The following TRIM44 variants were observed in gnomAD, a reference collection of about 807,000 sequenced individuals.
TRIM44 encodes tripartite motif containing 44.
TRIM44 carries 13 observed loss-of-function variants against 37.4 expected under a neutral mutation model. That is an observed-to-expected ratio of 0.35 (90% confidence interval 0.23 to 0.55). The LOEUF is 0.55. Among genes scored for constraint, TRIM44 ranks in the 20% least tolerant of loss-of-function variants. The probability of loss-of-function intolerance (pLI) is 0.89; values close to 1 mark genes in which losing one functional copy is unlikely to be tolerated. For synonymous variants in TRIM44, 175 were observed against 157.2 expected (o/e 1.11, Z -0.85); for missense variants, 426 against 437.2 (o/e 0.97, Z 0.23).
At chr11:35,780,009 C>T (rs1853040113) in intron 4 of TRIM44, among the ~76,000 whole-genome samples, 1 of 151,820 alleles carries the variant, frequency 6.6e-6, no homozygotes, top group Non-Finnish European at 1.5e-5. Flanking sequence ...GTTACTATAG[C>T]CTTATAGTAT....
At chr11:35,700,603 G>A (rs1227295108) in intron 2 of TRIM44, among the ~76,000 whole-genome samples, 4 of 152,164 alleles carry the variant, frequency 2.6e-5, no homozygotes, top group Admixed American at 6.5e-5. Context: ...TCTATGTCAT[G>A]TGTGGATTTT....
At chr11:35,680,699 T>C (rs1305059623) in intron 1 of TRIM44, among the ~76,000 whole-genome samples, 1 of 152,212 alleles carries the variant, frequency 6.6e-6, no homozygotes, top group Non-Finnish European at 1.5e-5. Flanking sequence ...AGTGGATTGG[T>C]AGGCATGTGA....
At position 35,782,197 on chromosome 11, in the gene TRIM44, G is replaced by A. The variant is rs571866322; in HGVS notation, c.1008-24161G>A. On this transcript the variant is annotated intron_variant, in intron 4 of 4. Transcript: ENST00000299413. ...ACTTTGTGAAGTCCAGCGGGTGGGG[G>A]GAATCCTAATCCAGCTGGGGTAGGA... Among the ~76,000 whole-genome samples the A allele has an allele frequency of 1.4e-4, 22 of 152,222 alleles. No homozygotes were observed. The South Asian group carries it at 4.6e-3, about 32-fold the overall frequency.
At chr11:35,792,118 C>CTCTCTG (rs1390403415) in intron 4 of TRIM44, among the ~76,000 whole-genome samples, 1 of 150,292 alleles carries the variant, frequency 6.7e-6, no homozygotes. Context: ...CACACTCTCT[C>CTCTCTG]TCATCATTCT....
rs1851293917 is a variant in TRIM44, at chr11:35,663,298, G to A, written c.187G>A (p.Gly63Ser). 1 of 1,614,074 alleles carries A rather than the reference G, an allele frequency of 6.2e-7. No homozygotes were observed. Among genetic ancestry groups the A allele is most frequent in the Non-Finnish European group, 8.5e-7 (1 of 1,179,994 alleles). Residue 63 changes from glycine (G) to serine (S), a missense_variant, in exon 1 of 5, where the codon GGC becomes AGC. Gly to Ser is a moderately conservative substitution (Grantham distance 56). Transcript: ENST00000299413. ...LSHHLAEYVHGSQAWTPPADG... is the reference protein window; with the variant it reads ...LSHHLAEYVHSSQAWTPPADG... ...TCACCATCTGGCCGAATACGTCCAC[G>A]GCTCCCAGGCCTGGACCCCGCCAGC...
rs1446962545 is a variant in TRIM44 at position 35,812,839 on chromosome 11, A to G, written c.*6454A>G. 1 of 139,372 alleles carries G rather than the reference A, an allele frequency of 7.2e-6. No homozygotes were observed. Among genetic ancestry groups the G allele is most frequent in the Non-Finnish European group, 1.7e-5 (1 of 59,624 alleles). The allele number at this position is 139,372 out of a possible 1,614,324, so 8.6% of individuals were successfully genotyped here. On this transcript the variant is annotated 3_prime_UTR_variant, in exon 5 of 5. Coordinates refer to ENST00000299413, the MANE Select transcript of TRIM44 (RefSeq NM_017583.6). Reference sequence around the variant, plus strand: ...AAAGAAAGTCTAAGGGTAGCAGTCAAATCTTCTGGCCTGAAACTGTACTTT... The same window carrying G: ...AAAGAAAGTCTAAGGGTAGCAGTCAGATCTTCTGGCCTGAAACTGTACTTT...
Position 35,812,764 on chromosome 11 carries a change from AAAG to A in TRIM44, c.*6383_*6385del, listed in dbSNP as rs1448320205. On this transcript the variant is annotated 3_prime_UTR_variant, in exon 5 of 5. Coordinates refer to ENST00000299413, the MANE Select transcript of TRIM44 (RefSeq NM_017583.6). ...TGGGGCAAAGGAGTTTGCCTTTTGC[AAAG>A]AAGGTCTTGCTTTGTATAGCCTGTA... 1.3e-5 allele frequency: 2 copies of A among 152,236 alleles called. No homozygotes were observed. Among genetic ancestry groups the A allele is most frequent in the African/African-American group, 4.8e-5 (2 of 41,458 alleles). The allele number at this position is 152,236 out of a possible 1,614,324, so 9.4% of individuals were successfully genotyped here.
At chr11:35,790,770 G>A (rs1853198712) in intron 4 of TRIM44, among the ~76,000 whole-genome samples, 1 of 152,058 alleles carries the variant, frequency 6.6e-6, no homozygotes, top group Non-Finnish European at 1.5e-5. Flanking sequence ...ATGAGCTTTT[G>A]GAATATTGAG....
At chr11:35,762,311 A>T (rs992870885) in intron 4 of TRIM44, among the ~76,000 whole-genome samples, 1 of 152,094 alleles carries the variant, frequency 6.6e-6, no homozygotes, top group Admixed American at 6.6e-5. Context: ...GATAGGGCTC[A>T]CATCTAGGAA....
chr11:35,685,878 G>T (rs1416321314), intron 2 of TRIM44, among the ~76,000 whole-genome samples: 4 of 152,136 alleles, frequency 2.6e-5, no homozygotes, highest in Non-Finnish European at 5.9e-5. Context: ...TGGTCAGGCT[G>T]GTCTCGAACT....
rs553128001 is a variant in TRIM44, at chr11:35,682,915, C to T, written c.670-2344C>T. 1.1e-3 allele frequency among the ~76,000 whole-genome samples: 161 copies of T among 152,242 alleles called. 1 individual carries two copies. The highest frequency in any genetic ancestry group is 3.6e-3 in the African/African-American group (150 of 41,546). On this transcript the variant is annotated intron_variant, in intron 1 of 4. Transcript: ENST00000299413. ...AGTTTGGTGCATTCCTTTCTGTTCT[C>T]TAGAGCCAGGGGGAAAGTCATAATA...
intron 1 of TRIM44, among the ~76,000 whole-genome samples, chr11:35,684,685 G>A (rs1288110787): frequency 6.6e-6 from 1 of 151,712 alleles, no homozygotes; most frequent in Non-Finnish European, 1.5e-5. Context: ...GAGTTTTATG[G>A]GTTTTTTTGG....
intron 4 of TRIM44, among the ~76,000 whole-genome samples, chr11:35,764,377 C>A (rs1852765869): frequency 6.6e-6 from 1 of 152,186 alleles, no homozygotes. Flanking sequence ...ACTTCTCTTT[C>A]AGGTCACTTT....
At chr11:35,691,336 T>G (rs1851634181) in intron 2 of TRIM44, among the ~76,000 whole-genome samples, 2 of 152,178 alleles carry the variant, frequency 1.3e-5, no homozygotes, top group South Asian at 4.1e-4. Context: ...CTTTCCCTCC[T>G]TCACCATTCC....
intron 2 of TRIM44, among the ~76,000 whole-genome samples, chr11:35,724,962 T>G (rs1039377456): frequency 1.3e-5 from 2 of 152,086 alleles, no homozygotes; most frequent in African/African-American, 4.8e-5. Flanking sequence ...TTAAGAGATA[T>G]AGCCAAGGAT....
intron 2 of TRIM44, among the ~76,000 whole-genome samples, chr11:35,688,782 A>G (rs184445407): frequency 2.9e-4 from 44 of 152,318 alleles, no homozygotes; most frequent in African/African-American, 7.9e-4. Context: ...TTTTTATTCA[A>G]TTGGCCTGGG....
At chr11:35,678,576 G>A (rs1344861569) in intron 1 of TRIM44, among the ~76,000 whole-genome samples, 1 of 151,926 alleles carries the variant, frequency 6.6e-6, no homozygotes, top group Non-Finnish European at 1.5e-5. Flanking sequence ...TCCTTAGGAG[G>A]ACTTCCTCTC....
intron 2 of TRIM44, among the ~76,000 whole-genome samples, chr11:35,723,453 C>A (rs920320691): frequency 3.9e-5 from 6 of 152,058 alleles, no homozygotes; most frequent in African/African-American, 1.4e-4. Context: ...GTTTTGATGT[C>A]TTAGGTTGGA....
Position 35,813,013 on chromosome 11 carries a change from TTAAACATG to T in TRIM44, c.*6630_*6637del, listed in dbSNP as rs1333602236. 3.3e-5 allele frequency: 5 copies of T among 152,220 alleles called. No homozygotes were observed. The highest frequency in any genetic ancestry group is 1.2e-4 in the African/African-American group (5 of 41,466). 9.4% of individuals were successfully genotyped at this position (152,220 alleles called of 1,614,324 possible). ...CTCTGACACTGAGTCTGTGATTTAA[TTAAACATG>T]TTGAAGGCTCTCCAACAGCTTGACG... On this transcript the variant is annotated 3_prime_UTR_variant, in exon 5 of 5. Transcript: ENST00000299413.
Sources: gnomAD v4.1 joint callset for allele counts (sites outside exome capture counted in the v4.1 genomes callset) on GRCh38, gnomAD v4.1.1 for gene constraint, MANE v1.5 for transcripts, NCBI Gene and HGNC (gene_info 2026-07-23, HGNC 2026-07-21) for gene names.